YY1: variants seen among roughly 807,000 people sequenced by gnomAD.
The protein encoded by YY1 is YY1 transcription factor.
YY1 carries 2 observed loss-of-function variants against 35.6 expected under a neutral mutation model. That is an observed-to-expected ratio of 0.06 (90% CI 0.02 to 0.18). The LOEUF is 0.18. YY1 is among the 10% of genes least tolerant of loss of function. YY1 has a pLI of 1.00. For synonymous variants in YY1, 268 were observed against 238.9 expected, an observed-to-expected ratio of 1.12 and a Z score of -1.12; for missense variants, 322 against 573.4, an observed-to-expected ratio of 0.56 and a Z score of 4.48.
chr14:100,239,144 C>T lies in YY1; in HGVS notation c.-101C>T, dbSNP rs1019842814. 1.7e-6 allele frequency: 2 copies of T among 1,160,152 alleles called. No homozygotes were observed. The highest frequency in any genetic ancestry group is 2.2e-6 in the Non-Finnish European group (2 of 924,658). The allele number at this position is 1,160,152 out of a possible 1,614,324, so 71.9% of individuals were successfully genotyped here. A position where few individuals can be genotyped will look rare whatever the true frequency, so the allele number is the denominator to read the frequency against. ...CTCCCCCCGCCCGCTCGCCGCCTTC[C>T]TCCCTCTGCCTTCCTTCCCCACGGC... On this transcript the variant is annotated 5_prime_UTR_variant, in exon 1 of 5. Transcript: ENST00000262238.
intron 1 of YY1, among the ~76,000 whole-genome samples, chr14:100,246,268 A>G (rs913603742): frequency 3.3e-5 from 5 of 152,230 alleles, no homozygotes; most frequent in African/African-American, 1.2e-4. Context: ...TAATGAGGAT[A>G]GCACAGGTGC....
At position 100,239,914 on chromosome 14, in the gene YY1, T is replaced by C; in HGVS notation, c.670T>C (p.Trp224Arg). Residue 224 changes from tryptophan (W) to arginine (R), a missense_variant, in exon 1 of 5, where the codon TGG (tryptophan) becomes CGG (arginine). This residue lies in a region of YY1 where 152 missense variants were observed against 167.1 expected (regional missense o/e 0.91). Transcript: ENST00000262238. ...GGAGGGCGAGTTCTCGGTCACCATG[T>C]GGTCCTCAGGTGAGCGCCGGCCGCG... ...TLEGEFSVTM[W>R]SSDEKKDIDH... 1 of 1,530,656 alleles carries C rather than the reference T, an allele frequency of 6.5e-7. No individual in the cohort carries two copies. The highest frequency in any genetic ancestry group is 2.1e-5 in the Admixed American group (1 of 48,762). The allele number at this position is 1,530,656 out of a possible 1,614,324, so 94.8% of individuals were successfully genotyped here.
In YY1 at chr14:100,248,121, CTTTTTTTTTTTT is replaced by C. The variant is rs10694000; in HGVS notation, c.679+8201_679+8212del. Among the ~76,000 whole-genome samples the C allele has an allele frequency of 1.8e-3, 216 of 117,632 alleles. 2 individuals carry two copies. The highest frequency in any genetic ancestry group is 7.4e-3 in the African/African-American group (215 of 29,132). 77.2% of individuals were successfully genotyped at this position (117,632 alleles called of 152,430 possible). On this transcript the variant is annotated intron_variant, in intron 1 of 4. Transcript: ENST00000262238. The stretch of plus-strand genomic sequence containing the variant: ...CACCACGCCCGGCTAATTTTTTTTT[CTTTTTTTTTTTT>C]TTGAGACAGTCTCGCTCTGTCACCC...
In YY1 at chr14:100,280,100, T is replaced by C. The variant is rs933911303; in HGVS notation, c.*2500T>C. On this transcript the variant is annotated 3_prime_UTR_variant, in exon 5 of 5. Coordinates refer to ENST00000262238, the MANE Select transcript of YY1 (RefSeq NM_003403.5). The stretch of plus-strand genomic sequence containing the variant: ...CAAGAAAACAAGTTCCTTGTTAACA[T>C]AGCACTGACTTTGCAACAATAGAAA... 10 of 152,370 alleles carry C rather than the reference T, an allele frequency of 6.6e-5. No individual in the cohort carries two copies. The South Asian group carries it at 8.3e-4, about 13-fold the overall frequency. The allele number at this position is 152,370 out of a possible 1,614,324, so 9.4% of individuals were successfully genotyped here. A position where few individuals can be genotyped will look rare whatever the true frequency, so the allele number is the denominator to read the frequency against.
chr14:100,273,150 A>G (rs1891269951), intron 2 of YY1, among the ~76,000 whole-genome samples: 1 of 151,802 alleles, frequency 6.6e-6, no homozygotes, highest in African/African-American at 2.4e-5. Context: ...TTTTTAGTAG[A>G]GATGGGGTTT....
chr14:100,241,236 T>A (rs1486692285), intron 1 of YY1, among the ~76,000 whole-genome samples: 1 of 152,258 alleles, frequency 6.6e-6, no homozygotes, highest in Non-Finnish European at 1.5e-5. Flanking sequence ...GTACTCCATA[T>A]AAGCGGTGGA....
chr14:100,264,800 G>T (rs776309849), intron 2 of YY1, among the ~76,000 whole-genome samples: 26 of 152,268 alleles, frequency 1.7e-4, no homozygotes, highest in Admixed American at 5.2e-4. Context: ...GATAACAAAG[G>T]AATAAATGTG....
intron 1 of YY1, among the ~76,000 whole-genome samples, chr14:100,247,507 A>G (rs563187052): frequency 1.3e-5 from 2 of 151,774 alleles, no homozygotes; most frequent in South Asian, 2.1e-4. Flanking sequence ...TCAGTGCCCC[A>G]AGAGCTGGGA....
chr14:100,246,608 C>G (rs367981739), intron 1 of YY1, among the ~76,000 whole-genome samples: 47 of 152,318 alleles, frequency 3.1e-4, no homozygotes, highest in African/African-American at 1.1e-3. Context: ...TAAGCAAAAC[C>G]TGTAAGACCA....
intron 1 of YY1, among the ~76,000 whole-genome samples, chr14:100,254,004 T>C (rs574835096): frequency 1.3e-5 from 2 of 151,884 alleles, no homozygotes; most frequent in Admixed American, 6.6e-5. Context: ...ATCTTTTTTT[T>C]TATATATTTT....
Position 100,239,934 on chromosome 14 carries a change from G to A in YY1, c.679+11G>A, listed in dbSNP as rs1890701827. On this transcript the variant is annotated intron_variant, in intron 1 of 4. Coordinates refer to ENST00000262238, the MANE Select transcript of YY1 (RefSeq NM_003403.5). ...CCATGTGGTCCTCAGGTGAGCGCCG[G>A]CCGCGCGCCCCGGCCCCGGGATGTT... is the stretch of plus-strand genomic sequence containing the variant. The A allele has an allele frequency of 6.6e-7, 1 of 1,517,450 alleles. No individual in the cohort carries two copies. Among genetic ancestry groups the A allele is most frequent in the Admixed American group, 2.1e-5 (1 of 47,096 alleles). The allele number at this position is 1,517,450 out of a possible 1,614,324, so 94.0% of individuals were successfully genotyped here.
At chr14:100,264,519 G>T (rs76342152) in intron 2 of YY1, among the ~76,000 whole-genome samples, 7,391 of 152,216 alleles carry the variant, frequency 0.049, 203 homozygotes, top group African/African-American at 0.06. Flanking sequence ...GAATTAGGGC[G>T]CTTCCAGGGA....
rs981960491 is a variant in YY1 at position 100,280,080 on chromosome 14, A to G, written c.*2480A>G. 6.6e-6 allele frequency: 1 copy of G among 152,260 alleles called. No individual in the cohort carries two copies. Among genetic ancestry groups the G allele is most frequent in the Non-Finnish European group, 1.5e-5 (1 of 68,048 alleles). 9.4% of individuals were successfully genotyped at this position (152,260 alleles called of 1,614,324 possible). ...AGGAGTTTAATCTGGGGTTCCAAGA[A>G]AACAAGTTCCTTGTTAACATAGCAC... is the stretch of plus-strand genomic sequence containing the variant. On this transcript the variant is annotated 3_prime_UTR_variant, in exon 5 of 5. Coordinates refer to ENST00000262238, the MANE Select transcript of YY1 (RefSeq NM_003403.5).
At chr14:100,254,504 C>T (rs975146914) in intron 1 of YY1, among the ~76,000 whole-genome samples, 3 of 152,130 alleles carry the variant, frequency 2.0e-5, no homozygotes, top group Non-Finnish European at 4.4e-5. Flanking sequence ...GTCGCCCAGG[C>T]TGGAGTGCAG....
At position 100,276,941 on chromosome 14, in the gene YY1, C is replaced by T. The variant is rs1200102316; in HGVS notation, c.1062+293C>T. The T allele has an allele frequency of 8.4e-6, 4 of 475,266 alleles. No individual in the cohort carries two copies. Among genetic ancestry groups the T allele is most frequent in the Non-Finnish European group, 1.5e-5 (4 of 261,574 alleles). 29.4% of individuals were successfully genotyped at this position (475,266 alleles called of 1,614,324 possible). A position where few individuals can be genotyped will look rare whatever the true frequency, so the allele number is the denominator to read the frequency against. ...CATACCTAAAACTCAATTTCTACTT[C>T]ATTCATTACAGGATTGAAGTAATTT... On this transcript the variant is annotated intron_variant, in intron 4 of 4. Coordinates refer to ENST00000262238, the MANE Select transcript of YY1 (RefSeq NM_003403.5). This position sits in a 1 kb window ranked among gnomAD's most constrained non-coding sequence, Gnocchi z 4.1.
chr14:100,254,242 T>A (rs908376171), intron 1 of YY1, among the ~76,000 whole-genome samples: 22 of 152,230 alleles, frequency 1.4e-4, no homozygotes, highest in African/African-American at 5.3e-4. Context: ...CTATTCTATT[T>A]GGTAAAAACT....
intron 1 of YY1, among the ~76,000 whole-genome samples, chr14:100,248,502 AT>A (rs1165710716): frequency 2.6e-5 from 4 of 151,796 alleles, no homozygotes; most frequent in Non-Finnish European, 5.9e-5. Flanking sequence ...AGAAAAAAAA[AT>A]TTTTTTGAGA....
intron 2 of YY1, among the ~76,000 whole-genome samples, chr14:100,269,139 G>T (rs908893482): frequency 6.6e-6 from 1 of 152,146 alleles, no homozygotes; most frequent in African/African-American, 2.4e-5. Context: ...TGCGTTGAGG[G>T]GTGTGTTCCT....
chr14:100,256,295 A>G (rs1441236179), intron 1 of YY1, among the ~76,000 whole-genome samples: 1 of 152,086 alleles, frequency 6.6e-6, no homozygotes, highest in Non-Finnish European at 1.5e-5. Flanking sequence ...CCAAAGAGGA[A>G]CTCTAAATCT....
Sources: allele counts gnomAD v4.1 joint callset (sites outside exome capture counted in the v4.1 genomes callset), GRCh38; gene constraint gnomAD v4.1.1; regional missense constraint gnomAD v4.1.1; non-coding constraint Gnocchi (gnomAD v3.1); transcripts MANE v1.5; gene names NCBI Gene and HGNC (gene_info 2026-07-23, HGNC 2026-07-21).